Variants in ZNF506 observed in about 807,000 individuals in gnomAD.
ZNF506 encodes zinc finger protein 506.
A neutral mutation model predicts 11.6 loss-of-function variants in ZNF506; 10 were observed. The observed-to-expected ratio is 0.86, with a 90% CI of 0.53 to 1.46. ZNF506 has a LOEUF of 1.46. ZNF506 is among the 40% of genes most tolerant of loss of function. The probability of loss-of-function intolerance (pLI) is 0.00; values close to 1 mark genes in which losing one functional copy is unlikely to be tolerated. For synonymous variants in ZNF506, 156 were observed against 173.3 expected (o/e 0.90, Z 0.78); for missense variants, 425 against 521.2 (o/e 0.82, Z 1.80).
chr19:19,795,187 A>G lies in ZNF506; in HGVS notation c.700T>C (p.Cys234Arg), dbSNP rs192503972. 3.0e-4 allele frequency: 478 copies of G among 1,613,844 alleles called. 2 individuals are homozygous for G. The highest frequency in any genetic ancestry group is 3.3e-4 in the Non-Finnish European group (387 of 1,179,942). ...CAGGACTGCTTATAGGCTTTGCCAC[A>G]TTCTTCACATTTGTAGGGTTTCTCT... ...TGEKPYKCEE[C>R]GKAYKQSCNL... Residue 234 changes from cysteine (C) to arginine (R), a missense_variant, in exon 4 of 4, where the codon TGT becomes CGT. Transcript: ENST00000540806.
At chr19:19,799,846 A>G (rs1465063874) in intron 3 of ZNF506, among the ~76,000 whole-genome samples, 1 of 138,840 alleles carries the variant, frequency 7.2e-6, no homozygotes, top group Non-Finnish European at 1.6e-5. Flanking sequence ...TATGGAATCT[A>G]AAAAGACAAA....
intron 3 of ZNF506, among the ~76,000 whole-genome samples, chr19:19,802,619 A>C (rs764300695): frequency 3.4e-4 from 52 of 152,248 alleles, no homozygotes; most frequent in Non-Finnish European, 6.3e-4. Flanking sequence ...TTTTGCCTGC[A>C]GCAAACTTGA....
At chr19:19,814,238 G>T (rs373528232) in intron 1 of ZNF506, among the ~76,000 whole-genome samples, 2 of 151,722 alleles carry the variant, frequency 1.3e-5, no homozygotes, top group Non-Finnish European at 1.5e-5. Context: ...GAGAAACCCC[G>T]TATCTACTAA....
chr19:19,799,958 A>G (rs929295742), intron 3 of ZNF506, among the ~76,000 whole-genome samples: 3 of 152,170 alleles, frequency 2.0e-5, no homozygotes, highest in Non-Finnish European at 4.4e-5. Context: ...ATTTGGTATG[A>G]GCATAAAGAT....
At chr19:19,804,419 A>C (rs2062818500) in intron 3 of ZNF506, among the ~76,000 whole-genome samples, 1 of 152,222 alleles carries the variant, frequency 6.6e-6, no homozygotes, top group Non-Finnish European at 1.5e-5. Context: ...CAATCATTAA[A>C]AAGTCAGGAA....
chr19:19,804,765 G>A (rs1301145107), intron 3 of ZNF506, among the ~76,000 whole-genome samples: 1 of 152,166 alleles, frequency 6.6e-6, no homozygotes, highest in Non-Finnish European at 1.5e-5. Flanking sequence ...AAAAAAGGAT[G>A]AGTTCATGTC....
chr19:19,813,488 T>A (rs975192530), intron 1 of ZNF506, among the ~76,000 whole-genome samples: 5 of 152,192 alleles, frequency 3.3e-5, no homozygotes, highest in African/African-American at 1.2e-4. Flanking sequence ...TAAAAAGCAG[T>A]GTGGTGATTC....
Position 19,816,503 on chromosome 19 carries a change from A to G in ZNF506, c.3+5098T>C, listed in dbSNP as rs972607689. 3.9e-5 allele frequency among the ~76,000 whole-genome samples: 6 copies of G among 152,208 alleles called. No individual in the cohort carries two copies. In the South Asian group the frequency reaches 6.2e-4, roughly 16 times the overall value. On this transcript the variant is annotated intron_variant, in intron 1 of 3. Coordinates refer to ENST00000540806, the MANE Select transcript of ZNF506 (RefSeq NM_001099269.3). ...CTCCCCAGTAGCTGGGACTACAGGC[A>G]CCTGCCACCACGCCTGGCTAATTTT...
At position 19,794,388 on chromosome 19, in the gene ZNF506, A is replaced by AT; in HGVS notation, c.*163dup. Reference sequence around the variant, plus strand: ...CTTGTAGGGTTTCTGTCCAGTATAAATTATGTGTAATAAGGGTTGAGAACT... The same window carrying AT: ...CTTGTAGGGTTTCTGTCCAGTATAAATTTATGTGTAATAAGGGTTGAGAACT... On this transcript the variant is annotated 3_prime_UTR_variant, in exon 4 of 4. Coordinates refer to ENST00000540806, the MANE Select transcript of ZNF506 (RefSeq NM_001099269.3). The AT allele has an allele frequency of 1.5e-6, 1 of 657,668 alleles. No homozygotes were observed. Among genetic ancestry groups the AT allele is most frequent in the South Asian group, 2.2e-5 (1 of 44,474 alleles). The allele number at this position is 657,668 out of a possible 1,614,324, so 40.7% of individuals were successfully genotyped here.
At chr19:19,821,508 C>T in intron 1 of ZNF506, 93 bp downstream of exon 1, 2 of 1,553,288 alleles carry the variant, frequency 1.3e-6, no homozygotes, top group Non-Finnish European at 1.8e-6. Flanking sequence ...GCCGGGAGGC[C>T]TGAGTTCTGC....
Position 19,821,714 on chromosome 19 carries a change from G to A in ZNF506, c.-111C>T, listed in dbSNP as rs535608374. 85 of 1,379,874 alleles carry A rather than the reference G, an allele frequency of 6.2e-5. No homozygotes were observed. In the South Asian group the frequency reaches 8.6e-4, roughly 14 times the overall value. The allele number at this position is 1,379,874 out of a possible 1,614,324, so 85.5% of individuals were successfully genotyped here. A position where few individuals can be genotyped will look rare whatever the true frequency, so the allele number is the denominator to read the frequency against. ...GGAGCTGACGGCACAGAGCAGTGAAGACGATAGCTGGATCTCTGGCGTCAG... is the reference window on the plus strand; with the variant it reads ...GGAGCTGACGGCACAGAGCAGTGAAAACGATAGCTGGATCTCTGGCGTCAG... On this transcript the variant is annotated 5_prime_UTR_variant, in exon 1 of 4. Coordinates refer to ENST00000540806, the MANE Select transcript of ZNF506 (RefSeq NM_001099269.3).
intron 3 of ZNF506, among the ~76,000 whole-genome samples, chr19:19,805,572 G>A (rs1427755010): frequency 1.3e-5 from 2 of 151,928 alleles, no homozygotes; most frequent in Non-Finnish European, 2.9e-5. Context: ...TACATTTCAA[G>A]ACTATATAGT....
chr19:19,799,476 A>T (rs2062772485), intron 3 of ZNF506: 2 of 660,248 alleles, frequency 3.0e-6, no homozygotes, highest in Non-Finnish European at 5.4e-6. Context: ...CAAAGTCTTA[A>T]CACATTTTTT....
At chr19:19,820,117 G>A (rs1053287916) in intron 1 of ZNF506, 21 of 151,814 alleles carry the variant, frequency 1.4e-4, no homozygotes, top group African/African-American at 4.6e-4. Flanking sequence ...AAAGATTGAG[G>A]AACATGGGGT....
At chr19:19,821,387 C>A (rs2062966121) in intron 1 of ZNF506, among the ~76,000 whole-genome samples, 1 of 152,146 alleles carries the variant, frequency 6.6e-6, no homozygotes, top group Non-Finnish European at 1.5e-5. Context: ...ACAGTCACTG[C>A]GCAGGGAAAA....
chr19:19,794,975 C>T lies in ZNF506; in HGVS notation c.912G>A (p.Glu304=). The change falls in exon 4 of 4, where the codon GAG becomes GAA. Residue 304 remains glutamate (E), a synonymous_variant. Coordinates refer to ENST00000540806, the MANE Select transcript of ZNF506 (RefSeq NM_001099269.3). ...AGGGTTTCTCTCCAGTATGAATTAT[C>T]TCATGTTTAGTAAGGGTTGAGGATG... ...FISSSTLTKH[E]IIHTGEKPYK... is the part of the protein sequence containing the mutation. The T allele has an allele frequency of 1.9e-6, 3 of 1,613,810 alleles. No homozygotes were observed. The highest frequency in any genetic ancestry group is 1.3e-5 in the African/African-American group (1 of 75,048).
chr19:19,813,776 G>A (rs1276645893), intron 1 of ZNF506, among the ~76,000 whole-genome samples: 3 of 152,110 alleles, frequency 2.0e-5, no homozygotes, highest in African/African-American at 7.2e-5. Context: ...TTTGAGACCA[G>A]CCTGGCAACA....
At chr19:19,817,858 T>G (rs1035084287) in intron 1 of ZNF506, among the ~76,000 whole-genome samples, 22 of 150,014 alleles carry the variant, frequency 1.5e-4, no homozygotes, top group African/African-American at 5.4e-4. Context: ...TGAGACGGTC[T>G]TGCTCTGTCA....
intron 3 of ZNF506, among the ~76,000 whole-genome samples, chr19:19,800,391 A>AATATATATATATAT (rs3062863): frequency 3.6e-5 from 5 of 139,234 alleles, no homozygotes; most frequent in East Asian, 2.4e-4. Flanking sequence ...AACTAAACAG[A>AATATATATATATAT]ATATATATAT....
Sources: gnomAD v4.1 joint callset for allele counts (sites outside exome capture counted in the v4.1 genomes callset) on GRCh38, gnomAD v4.1.1 for gene constraint, MANE v1.5 for transcripts, NCBI Gene and HGNC (gene_info 2026-07-23, HGNC 2026-07-21) for gene names.